MSRA: variants seen among roughly 807,000 people sequenced by gnomAD.
MSRA encodes the protein mitochondrial peptide methionine sulfoxide reductase.
In MSRA, 54 loss-of-function variants were observed where a neutral mutation model predicts 31.3. The ratio of observed to expected loss-of-function variants is 1.73; its 90% CI spans 1.39 to 2.17. The LOEUF (loss-of-function observed/expected upper bound fraction) is 2.17. MSRA is among the 30% of genes most tolerant of loss of function. The probability of loss-of-function intolerance (pLI) is 0.00; values close to 1 mark genes in which losing one functional copy is unlikely to be tolerated. For synonymous variants in MSRA, 169 were observed against 116.5 expected, an observed-to-expected ratio of 1.45 and a Z score of -2.90; for missense variants, 507 against 300.9, an observed-to-expected ratio of 1.69 and a Z score of -5.07.
At chr8:10,283,041 T>G (rs898848069) in intron 3 of MSRA, among the ~76,000 whole-genome samples, 3 of 152,122 alleles carry the variant, frequency 2.0e-5, no homozygotes, top group East Asian at 1.9e-4. Context: ...CTTCAAGAGC[T>G]TCCTTAAACC....
chr8:10,147,457 C>T (rs1803243762), intron 1 of MSRA, among the ~76,000 whole-genome samples: 1 of 152,206 alleles, frequency 6.6e-6, no homozygotes, highest in Non-Finnish European at 1.5e-5. Flanking sequence ...TGGCTGACTT[C>T]TCCCAAGGCG....
chr8:10,242,958 ATCC>A (rs1797414599), intron 2 of MSRA, among the ~76,000 whole-genome samples: 4 of 152,090 alleles, frequency 2.6e-5, no homozygotes, highest in South Asian at 2.1e-4. Context: ...CTGGTCATTC[ATCC>A]TCCTCCTCAT....
At chr8:10,107,637 A>G (rs1799980802) in intron 1 of MSRA, among the ~76,000 whole-genome samples, 1 of 152,232 alleles carries the variant, frequency 6.6e-6, no homozygotes. Context: ...GAAAACCACA[A>G]AAACCCAACA....
intron 1 of MSRA, among the ~76,000 whole-genome samples, chr8:10,142,871 G>C (rs1802829407): frequency 6.6e-6 from 1 of 152,142 alleles, no homozygotes; most frequent in Non-Finnish European, 1.5e-5. Flanking sequence ...GTAACTATTA[G>C]AAAATAATAC....
chr8:10,291,305 A>G (rs1274239917), intron 3 of MSRA, among the ~76,000 whole-genome samples: 1 of 152,182 alleles, frequency 6.6e-6, no homozygotes, highest in Non-Finnish European at 1.5e-5. Flanking sequence ...GCCAACAACA[A>G]CAAAAAATTC....
intron 1 of MSRA, among the ~76,000 whole-genome samples, chr8:10,127,506 T>C (rs972499000): frequency 1.3e-5 from 2 of 152,182 alleles, no homozygotes; most frequent in African/African-American, 2.4e-5. Flanking sequence ...AGTTCAGAGA[T>C]CATGCTGGTG....
intron 4 of MSRA, among the ~76,000 whole-genome samples, chr8:10,304,664 C>T (rs932705130): frequency 3.9e-5 from 6 of 152,192 alleles, no homozygotes; most frequent in Non-Finnish European, 5.9e-5. Flanking sequence ...TCACTCACCA[C>T]ATCTGACCAC....
intron 2 of MSRA, among the ~76,000 whole-genome samples, chr8:10,227,497 G>A (rs766212565): frequency 6.6e-6 from 1 of 152,156 alleles, no homozygotes; most frequent in Non-Finnish European, 1.5e-5. Context: ...TGAGAAGGAA[G>A]GTCCCTTCCA....
chr8:10,275,112 T>C (rs1799255779), intron 3 of MSRA, among the ~76,000 whole-genome samples: 1 of 150,742 alleles, frequency 6.6e-6, no homozygotes, highest in Non-Finnish European at 1.5e-5. Flanking sequence ...GCCTTTCATA[T>C]TCCAGGTGTC....
chr8:10,215,544 C>T (rs1236333868), intron 2 of MSRA, among the ~76,000 whole-genome samples: 5 of 152,176 alleles, frequency 3.3e-5, no homozygotes, highest in African/African-American at 1.2e-4. Flanking sequence ...GATCCATCAC[C>T]TCTCCTTCAT....
At chr8:10,319,410 G>A (rs1801915120) in intron 4 of MSRA, among the ~76,000 whole-genome samples, 1 of 152,122 alleles carries the variant, frequency 6.6e-6, no homozygotes, top group Non-Finnish European at 1.5e-5. Flanking sequence ...AGTCATAGGT[G>A]CAGGACTCCT....
rs183257422 is a variant in MSRA at position 10,366,404 on chromosome 8, G to A, written c.543+46415G>A. The stretch of plus-strand genomic sequence containing the variant: ...GCTGGGCAGGGCACTGCGTGGCCCT[G>A]AGCCAGGCCTTGTGCAGGCTCTCTG... On this transcript the variant is annotated intron_variant, in intron 5 of 5. Coordinates refer to ENST00000317173, the MANE Select transcript of MSRA (RefSeq NM_012331.5). 1.9e-3 allele frequency among the ~76,000 whole-genome samples: 290 copies of A among 152,390 alleles called. 1 individual carries two copies. The highest frequency in any genetic ancestry group is 6.4e-3 in the African/African-American group (268 of 41,596).
chr8:10,152,682 C>G (rs1164370086), intron 1 of MSRA, among the ~76,000 whole-genome samples: 2 of 152,116 alleles, frequency 1.3e-5, no homozygotes, highest in Admixed American at 1.3e-4. Context: ...AAGCGCTGCC[C>G]ATTCTGAAGG....
chr8:10,363,382 G>T (rs1385379866), intron 5 of MSRA, among the ~76,000 whole-genome samples: 2 of 152,164 alleles, frequency 1.3e-5, no homozygotes, highest in Non-Finnish European at 2.9e-5. Context: ...CATGTGCAAG[G>T]AACCCGTCAG....
rs1171413366 is a variant in MSRA at position 10,245,168 on chromosome 8, A to G, written c.276A>G (p.Gln92=). The change falls in exon 3 of 6, where the codon CAA becomes CAG. Residue 92 remains glutamine (Q), a synonymous_variant. Transcript: ENST00000317173. ...TCTTGAAAGGAGTGTATTCAACTCAAGTTGGTTTTGCAGGAGGCTATACTT... is the reference window on the plus strand; with the variant it reads ...TCTTGAAAGGAGTGTATTCAACTCAGGTTGGTTTTGCAGGAGGCTATACTT... ...FWVLKGVYST[Q]VGFAGGYTSN... is the part of the protein sequence containing the mutation. 4.3e-6 allele frequency: 7 copies of G among 1,613,720 alleles called. No individual in the cohort carries two copies. Among genetic ancestry groups the G allele is most frequent in the African/African-American group, 4.0e-5 (3 of 74,882 alleles).
chr8:10,396,836 C>G (rs569527024), intron 5 of MSRA, among the ~76,000 whole-genome samples: 2 of 152,194 alleles, frequency 1.3e-5, no homozygotes, highest in Non-Finnish European at 2.9e-5. Context: ...ATGGCCCTTA[C>G]GCGAGATCTG....
intron 1 of MSRA, among the ~76,000 whole-genome samples, chr8:10,107,522 C>T (rs932130809): frequency 3.3e-5 from 5 of 152,160 alleles, no homozygotes; most frequent in African/African-American, 9.7e-5. Context: ...TTTCATCTTC[C>T]ACCTGGATTC....
At chr8:10,354,623 T>G (rs1563386393) in intron 5 of MSRA, among the ~76,000 whole-genome samples, 1 of 151,920 alleles carries the variant, frequency 6.6e-6, no homozygotes, top group Non-Finnish European at 1.5e-5. Flanking sequence ...TAAAATCAGA[T>G]TAGAATGATT....
intron 3 of MSRA, among the ~76,000 whole-genome samples, chr8:10,252,410 G>C (rs1797964755): frequency 1.3e-5 from 2 of 152,140 alleles, no homozygotes; most frequent in Non-Finnish European, 2.9e-5. Flanking sequence ...TTTCTGTTAG[G>C]CTGGATTTTT....
Sources: gnomAD v4.1 joint callset for allele counts (sites outside exome capture counted in the v4.1 genomes callset) on GRCh38, gnomAD v4.1.1 for gene constraint, MANE v1.5 for transcripts, NCBI Gene and HGNC (gene_info 2026-07-23, HGNC 2026-07-21) for gene names.